Variants in APPL1 observed in about 807,000 individuals in gnomAD.
The protein encoded by APPL1 is DCC-interacting protein 13-alpha.
In APPL1, 42 loss-of-function variants were observed where a neutral mutation model predicts 106.8. The ratio of observed to expected loss-of-function variants is 0.39; its 90% confidence interval spans 0.31 to 0.51. The LOEUF (loss-of-function observed/expected upper bound fraction) is 0.51. APPL1 is among the 20% of genes least tolerant of loss of function. The pLI is 0.75. For missense variants in APPL1, 769 were observed against 858.2 expected (o/e 0.90, Z 1.30); for synonymous variants, 263 against 281.8 (o/e 0.93, Z 0.67).
chr3:57,237,391 C>A, intron 2 of APPL1, 101 bp from the exon 3 acceptor site: 1 of 816,948 alleles, frequency 1.2e-6, no homozygotes, highest in African/African-American at 1.8e-5. Flanking sequence ...AAAACATGTA[C>A]AATATTTATG....
chr3:57,234,248 C>T (rs2060703920), intron 1 of APPL1, among the ~76,000 whole-genome samples: 1 of 150,540 alleles, frequency 6.6e-6, no homozygotes, highest in African/African-American at 2.4e-5. Flanking sequence ...TCTACCTTGC[C>T]TTTGATAGCC....
intron 21 of APPL1, 188 bp downstream of exon 21, chr3:57,268,675 T>G (rs2060912314): frequency 2.2e-6 from 1 of 457,158 alleles, no homozygotes; most frequent in Non-Finnish European, 3.5e-6. Context: ...TACATTATAG[T>G]TACGTTGACA....
chr3:57,231,082 G>A (rs2060684343), intron 1 of APPL1, among the ~76,000 whole-genome samples: 2 of 151,890 alleles, frequency 1.3e-5, no homozygotes, highest in African/African-American at 4.8e-5. Context: ...GCTCATGCCT[G>A]TAATCTCAGC....
chr3:57,237,180 G>A (rs941011102), intron 2 of APPL1, among the ~76,000 whole-genome samples: 3 of 152,192 alleles, frequency 2.0e-5, no homozygotes, highest in Non-Finnish European at 4.4e-5. Context: ...AGTCATCAAC[G>A]TAGATGCTCT....
chr3:57,229,191 C>G (rs1327980110), intron 1 of APPL1, among the ~76,000 whole-genome samples: 1 of 152,134 alleles, frequency 6.6e-6, no homozygotes, highest in Non-Finnish European at 1.5e-5. Flanking sequence ...GATGATTTCT[C>G]CATATAAAGT....
rs947514870 is a variant in APPL1 at position 57,269,830 on chromosome 3, A to G, written c.*143A>G. The G allele has an allele frequency of 1.0e-6, 1 of 974,458 alleles. No homozygotes were observed. Among genetic ancestry groups the G allele is most frequent in the South Asian group, 1.9e-5 (1 of 53,326 alleles). The allele number at this position is 974,458 out of a possible 1,614,324, so 60.4% of individuals were successfully genotyped here. The stretch of plus-strand genomic sequence containing the variant: ...TTGTTGTAGCTACATTTTAAAAAAA[A>G]GATTGAACTTGATGACTTAGGTTTG... On this transcript the variant is annotated 3_prime_UTR_variant, in exon 22 of 22. Transcript: ENST00000288266.
chr3:57,228,212 T>C lies in APPL1; in HGVS notation c.54+275T>C, dbSNP rs2060664028. Among the ~76,000 whole-genome samples the C allele has an allele frequency of 6.6e-6, 1 of 152,144 alleles. No individual in the cohort carries two copies. Among genetic ancestry groups the C allele is most frequent in the African/African-American group, 2.4e-5 (1 of 41,434 alleles). ...CGGTCACGTACGCGCGCGGGTCCTT[T>C]TTATTTGACGAAAGGCGCCGTTTTT... is the stretch of plus-strand genomic sequence containing the variant. On this transcript the variant is annotated intron_variant, in intron 1 of 21. Coordinates refer to ENST00000288266, the MANE Select transcript of APPL1 (RefSeq NM_012096.3). This position sits in a 1 kb window ranked among gnomAD's most constrained non-coding sequence, Gnocchi z 4.6.
Position 57,235,602 on chromosome 3 carries a change from A to G in APPL1, c.91A>G (p.Thr31Ala), listed in dbSNP as rs753861823. ...SLLGVFEEDA[T>A]AISNYMNQLY... is the part of the protein sequence containing the mutation. ...ACTAGGTGTATTTGAAGAAGATGCC[A>G]CAGCTATTTCCAACTATATGAACCA... The change falls in exon 2 of 22, where the codon ACA becomes GCA. Residue 31 changes from threonine to alanine, a missense_variant. Thr to Ala is a moderately conservative substitution (Grantham distance 58). Transcript: ENST00000288266. 6.2e-7 allele frequency: 1 copy of G among 1,613,414 alleles called. No homozygotes were observed. The highest frequency in any genetic ancestry group is 1.1e-5 in the South Asian group (1 of 90,982).
intron 12 of APPL1, among the ~76,000 whole-genome samples, 155 bp downstream of exon 12, chr3:57,252,466 C>T (rs572051630): frequency 6.6e-6 from 1 of 151,972 alleles, no homozygotes; most frequent in Non-Finnish European, 1.5e-5. Flanking sequence ...AGTCTATTGT[C>T]CTCGAGCAAT....
intron 16 of APPL1, among the ~76,000 whole-genome samples, chr3:57,259,392 C>A (rs538242679): frequency 7.9e-5 from 12 of 152,014 alleles, no homozygotes; most frequent in Middle Eastern, 3.2e-3. Context: ...TTTGTTTTTC[C>A]GCCACTAACT....
chr3:57,257,467 G>A (rs374166638), intron 15 of APPL1, 39 bp downstream of exon 15: 2 of 1,514,346 alleles, frequency 1.3e-6, no homozygotes, highest in Non-Finnish European at 1.8e-6. Flanking sequence ...GCTGTGGTCT[G>A]TAAGGCTTAT....
In APPL1 at chr3:57,256,964, C is replaced by G. The variant is rs1478113970; in HGVS notation, c.1160C>G (p.Ala387Gly). Residue 387 changes from alanine (A) to glycine (G), a missense_variant, in exon 14 of 22, where the codon GCT becomes GGT. By Grantham distance (60) the Ala-to-Gly change is moderately conservative. Transcript: ENST00000288266. The part of the protein sequence containing the change: ...IYLSENPEET[A>G]ARVNQSALEA... ...TTAAAAAAATTGAAATAGGAAACTG[C>G]TGCACGAGTAAATCAATCAGCTCTG... 3.1e-6 allele frequency: 5 copies of G among 1,613,810 alleles called. No individual in the cohort carries two copies. The African/African-American group carries it at 5.3e-5, about 17-fold the overall frequency.
chr3:57,233,486 GAA>G (rs1419794871), intron 1 of APPL1, among the ~76,000 whole-genome samples: 1 of 125,830 alleles, frequency 7.9e-6, no homozygotes, highest in Non-Finnish European at 1.7e-5. Flanking sequence ...CCCATTTTTA[GAA>G]AAAAAAAAAA....
At chr3:57,237,817 C>A (rs2060724318) in intron 3 of APPL1, among the ~76,000 whole-genome samples, 1 of 152,166 alleles carries the variant, frequency 6.6e-6, no homozygotes, top group South Asian at 2.1e-4. Context: ...AATGCTAAAT[C>A]TTTGAACTTC....
intron 4 of APPL1, among the ~76,000 whole-genome samples, chr3:57,238,591 G>A (rs2060729458): frequency 6.6e-6 from 1 of 152,220 alleles, no homozygotes; most frequent in Non-Finnish European, 1.5e-5. Flanking sequence ...AGATTATGGA[G>A]AATCGTTAAC....
intron 18 of APPL1, 52 bp from the exon 19 acceptor site, chr3:57,260,576 G>T: frequency 6.6e-7 from 1 of 1,525,324 alleles, no homozygotes; most frequent in Non-Finnish European, 8.9e-7. Flanking sequence ...CACAAGTGCT[G>T]CTGTAATGAC....
intron 21 of APPL1, chr3:57,269,243 G>T (rs1052230421): frequency 4.5e-6 from 1 of 223,134 alleles, no homozygotes; most frequent in African/African-American, 2.3e-5. Flanking sequence ...CCTTTCGAGG[G>T]TTTTACTATA....
At chr3:57,246,047 CTTAA>C (rs2060771821) in intron 7 of APPL1, 25 bp from the exon 8 acceptor site, 2 of 1,495,090 alleles carry the variant, frequency 1.3e-6, no homozygotes, top group East Asian at 2.4e-5. Flanking sequence ...AGATTATTTA[CTTAA>C]TTATTTAAAT....
rs1192736731 is a variant in APPL1, at chr3:57,272,911, T to TA, written c.*3225dup. ...ACCGTGCCCGGCCCTAAAATGAAATTATTAATGTTGGTTCTGAAACAGCCT... is the reference window on the plus strand; with the variant it reads ...ACCGTGCCCGGCCCTAAAATGAAATTAATTAATGTTGGTTCTGAAACAGCCT... On this transcript the variant is annotated 3_prime_UTR_variant, in exon 22 of 22. Coordinates refer to ENST00000288266, the MANE Select transcript of APPL1 (RefSeq NM_012096.3). The TA allele has an allele frequency of 8.5e-5, 13 of 152,342 alleles. No homozygotes were observed. The highest frequency in any genetic ancestry group is 3.1e-4 in the African/African-American group (13 of 41,444). The allele number at this position is 152,342 out of a possible 1,614,324, so 9.4% of individuals were successfully genotyped here.
Sources: allele counts gnomAD v4.1 joint callset (sites outside exome capture counted in the v4.1 genomes callset), GRCh38; gene constraint gnomAD v4.1.1; non-coding constraint Gnocchi (gnomAD v3.1); transcripts MANE v1.5; gene names NCBI Gene and HGNC (gene_info 2026-07-23, HGNC 2026-07-21).